The following TMEM108 variants were observed in gnomAD, a reference collection of about 807,000 sequenced individuals.
TMEM108 encodes transmembrane protein 108.
A neutral mutation model predicts 35.1 loss-of-function variants in TMEM108; 12 were observed. That is an observed-to-expected ratio of 0.34 (90% CI 0.22 to 0.55). TMEM108 has a LOEUF of 0.55. Ranked by LOEUF, TMEM108 falls within the 20% of genes least tolerant of loss-of-function variation. TMEM108 has a pLI of 0.89. For synonymous variants in TMEM108, 287 were observed against 308.6 expected (o/e 0.93, Z 0.73); for missense variants, 680 against 753.3 (o/e 0.90, Z 1.14).
intron 2 of TMEM108, among the ~76,000 whole-genome samples, chr3:133,174,764 G>A (rs995446087): frequency 6.6e-6 from 1 of 152,060 alleles, no homozygotes; most frequent in Admixed American, 6.5e-5. Context: ...CTGAAAATCA[G>A]AGCGCTTCTC....
intron 3 of TMEM108, among the ~76,000 whole-genome samples, chr3:133,341,211 G>A (rs1559913070): frequency 6.6e-6 from 1 of 151,794 alleles, no homozygotes; most frequent in Non-Finnish European, 1.5e-5. Flanking sequence ...TCAATAAGTT[G>A]CAGGATACAA....
chr3:133,234,787 A>G (rs1186444923), intron 3 of TMEM108, among the ~76,000 whole-genome samples: 4 of 152,150 alleles, frequency 2.6e-5, no homozygotes, highest in Non-Finnish European at 5.9e-5. Flanking sequence ...AGGGTATTCA[A>G]TTAGGAAAAG....
chr3:133,240,220 C>G (rs573508612), intron 3 of TMEM108, among the ~76,000 whole-genome samples: 1 of 152,260 alleles, frequency 6.6e-6, no homozygotes, highest in East Asian at 1.9e-4. Context: ...GATCTCTTTA[C>G]TTCTGAGGGG....
intron 4 of TMEM108, chr3:133,389,078 AC>A: frequency 1.0e-6 from 1 of 985,390 alleles, no homozygotes; most frequent in Non-Finnish European, 1.2e-6. Context: ...CTCAGTCCTC[AC>A]TTCATGGCTT....
intron 2 of TMEM108, among the ~76,000 whole-genome samples, chr3:133,050,337 A>G (rs979940452): frequency 9.2e-5 from 14 of 151,798 alleles, no homozygotes; most frequent in Non-Finnish European, 2.1e-4. Flanking sequence ...TAGTTTATTC[A>G]CTCATTTGTT....
intron 3 of TMEM108, among the ~76,000 whole-genome samples, chr3:133,282,500 G>T (rs1946928951): frequency 6.6e-6 from 1 of 152,102 alleles, no homozygotes; most frequent in African/African-American, 2.4e-5. Flanking sequence ...TTACATCTTT[G>T]CGTAAACTCT....
At chr3:133,275,570 G>C (rs66973086) in intron 3 of TMEM108, among the ~76,000 whole-genome samples, 50,948 of 152,008 alleles carry the variant, frequency 0.34, 8,963 homozygotes, top group East Asian at 0.48. Flanking sequence ...TAATTTTTTT[G>C]TGTATGTCCC....
chr3:133,368,647 A>ACC (rs3054622), intron 3 of TMEM108, among the ~76,000 whole-genome samples: 1 of 152,124 alleles, frequency 6.6e-6, no homozygotes, highest in Non-Finnish European at 1.5e-5. Context: ...ACACACACAC[A>ACC]CCCTGAATTG....
chr3:133,168,463 T>G (rs1050025991), intron 2 of TMEM108, among the ~76,000 whole-genome samples: 5 of 152,068 alleles, frequency 3.3e-5, no homozygotes, highest in African/African-American at 9.7e-5. Context: ...AGGAACCTAC[T>G]GAGAGGTGAA....
chr3:133,299,300 A>T (rs927045669), intron 3 of TMEM108, among the ~76,000 whole-genome samples: 2 of 152,172 alleles, frequency 1.3e-5, no homozygotes, highest in African/African-American at 4.8e-5. Flanking sequence ...TGGCAGATAG[A>T]TTAACCAACA....
rs192529968 is a variant in TMEM108 at position 133,235,646 on chromosome 3, G to A, written c.40+6295G>A. Among the ~76,000 whole-genome samples, 9 of 152,232 alleles carry A rather than the reference G, an allele frequency of 5.9e-5. No homozygotes were observed. In the South Asian group the frequency reaches 1.5e-3, roughly 25 times the overall value. ...TGCCATATAGAAGTCCTACATAAAT[G>A]CCAGCTTTCTTACTGGCCTTCCTGC... On this transcript the variant is annotated intron_variant, in intron 3 of 5. Transcript: ENST00000321871.
chr3:133,392,837 G>A (rs1202363152), intron 5 of TMEM108, among the ~76,000 whole-genome samples: 1 of 152,252 alleles, frequency 6.6e-6, no homozygotes, highest in South Asian at 2.1e-4. Flanking sequence ...CTCGCACCAT[G>A]AGTGCTGCAA....
intron 2 of TMEM108, among the ~76,000 whole-genome samples, chr3:133,127,429 C>T (rs1484428072): frequency 2.0e-5 from 3 of 152,092 alleles, no homozygotes; most frequent in South Asian, 2.1e-4. Flanking sequence ...TGTGAGAACT[C>T]GGATGGGAAG....
At position 133,295,670 on chromosome 3, in the gene TMEM108, A is replaced by G. The variant is rs73221180; in HGVS notation, c.40+66319A>G. On this transcript the variant is annotated intron_variant, in intron 3 of 5. Coordinates refer to ENST00000321871, the MANE Select transcript of TMEM108 (RefSeq NM_023943.4). ...CAACCTCCAGTCCAGATTCTTCCTG[A>G]TCCTGTGGGACATTGAGAGAGCCAG... 5.3e-5 allele frequency among the ~76,000 whole-genome samples: 8 copies of G among 152,254 alleles called. No individual in the cohort carries two copies. The East Asian group carries it at 1.4e-3, about 26-fold the overall frequency.
chr3:133,111,240 A>T (rs1944220646), intron 2 of TMEM108, among the ~76,000 whole-genome samples: 1 of 152,154 alleles, frequency 6.6e-6, no homozygotes, highest in Admixed American at 6.5e-5. Context: ...AAACAGTCTT[A>T]GGTGGGGAGG....
At chr3:133,167,177 C>T (rs1354715840) in intron 2 of TMEM108, among the ~76,000 whole-genome samples, 2 of 152,222 alleles carry the variant, frequency 1.3e-5, no homozygotes, top group African/African-American at 4.8e-5. Context: ...CGTTTACAAA[C>T]CTTGAGCTAG....
At chr3:133,381,305 G>A in intron 4 of TMEM108, 144 bp downstream of exon 4, 2 of 878,532 alleles carry the variant, frequency 2.3e-6, no homozygotes, top group Non-Finnish European at 3.4e-6. Context: ...ATCAGGACAG[G>A]TTATCCCTGA....
At chr3:133,090,833 T>C (rs1045047055) in intron 2 of TMEM108, among the ~76,000 whole-genome samples, 3 of 152,198 alleles carry the variant, frequency 2.0e-5, no homozygotes, top group Admixed American at 6.5e-5. Flanking sequence ...ACTATGTCAC[T>C]AAATATTCTT....
intron 2 of TMEM108, among the ~76,000 whole-genome samples, chr3:133,062,417 C>T (rs1440284964): frequency 6.6e-6 from 1 of 152,124 alleles, no homozygotes; most frequent in Admixed American, 6.5e-5. Flanking sequence ...GGATATGAGC[C>T]TGTGGTCTGA....
Sources: gnomAD v4.1 joint callset for allele counts (sites outside exome capture counted in the v4.1 genomes callset) on GRCh38, gnomAD v4.1.1 for gene constraint, MANE v1.5 for transcripts, NCBI Gene and HGNC (gene_info 2026-07-23, HGNC 2026-07-21) for gene names.